LMO3: variants seen among roughly 807,000 people sequenced by gnomAD.
LMO3 encodes the protein LIM domain only 3, also known as LIM domain only protein 3.
A neutral mutation model predicts 15.8 loss-of-function variants in LMO3; 2 were observed. The observed-to-expected ratio is 0.13, with a 90% CI of 0.05 to 0.40. The LOEUF (loss-of-function observed/expected upper bound fraction) is 0.40. LMO3 is among the 10% of genes least tolerant of loss of function. The probability of loss-of-function intolerance (pLI) is 0.99; values close to 1 mark genes in which losing one functional copy is unlikely to be tolerated. For missense variants in LMO3, 86 were observed against 182.2 expected, an observed-to-expected ratio of 0.47 and a Z score of 3.04; for synonymous variants, 62 against 63.8, an observed-to-expected ratio of 0.97 and a Z score of 0.13.
intron 2 of LMO3, among the ~76,000 whole-genome samples, chr12:16,570,244 T>G (rs1300006510): frequency 6.6e-6 from 1 of 152,148 alleles, no homozygotes. Context: ...AGTAATACTT[T>G]CCTAAAAATC....
At chr12:16,578,942 GAAAAGA>G (rs910997464) in intron 2 of LMO3, among the ~76,000 whole-genome samples, 2 of 151,986 alleles carry the variant, frequency 1.3e-5, no homozygotes, top group South Asian at 2.1e-4. Context: ...GAAATAAAAA[GAAAAGA>G]AAAAGTTCTT....
rs1433224086 is a variant in LMO3, at chr12:16,561,696, T to C, written c.207-1158A>G. 3.3e-5 allele frequency among the ~76,000 whole-genome samples: 5 copies of C among 152,346 alleles called. No individual in the cohort carries two copies. In the East Asian group the frequency reaches 9.6e-4, roughly 29 times the overall value. On this transcript the variant is annotated intron_variant, in intron 2 of 3. Transcript: ENST00000537304. The stretch of plus-strand genomic sequence containing the variant: ...GAAGTCTTTTCTTAAGGCATGCATA[T>C]TCATTTTCAAGTTTATAACTATTTC...
chr12:16,549,000 C>G lies in LMO3; in HGVS notation c.*2222G>C, dbSNP rs1445685938. On this transcript the variant is annotated 3_prime_UTR_variant, in exon 4 of 4. Coordinates refer to ENST00000537304, the MANE Select transcript of LMO3 (RefSeq NM_018640.5). The surrounding 1 kb of genome is among the most constrained non-coding windows in gnomAD (Gnocchi z 4.2). The stretch of plus-strand genomic sequence containing the variant: ...TTCAAGAAGCTGAGAGAAGTTTGTT[C>G]CCAATTTACAAGTATTTTGACATAT... 1.3e-5 allele frequency: 2 copies of G among 152,042 alleles called. No individual in the cohort carries two copies. The highest frequency in any genetic ancestry group is 2.9e-5 in the Non-Finnish European group (2 of 67,994). 9.4% of individuals were successfully genotyped at this position (152,042 alleles called of 1,614,324 possible).
intron 1 of LMO3, among the ~76,000 whole-genome samples, chr12:16,601,635 T>A (rs1943827932): frequency 6.6e-6 from 1 of 152,122 alleles, no homozygotes; most frequent in Admixed American, 6.6e-5. Flanking sequence ...CAATTATTTG[T>A]TTTATAAAGG....
chr12:16,551,571 T>C (rs955702041), intron 3 of LMO3, among the ~76,000 whole-genome samples: 3 of 151,370 alleles, frequency 2.0e-5, no homozygotes, highest in Admixed American at 6.6e-5. Context: ...AGATAAACAC[T>C]TTGGGCACCA....
Position 16,589,035 on chromosome 12 carries a change from C to G in LMO3, c.206+11620G>C, listed in dbSNP as rs1429915789. Among the ~76,000 whole-genome samples, 1 of 151,942 alleles carries G rather than the reference C, an allele frequency of 6.6e-6. No individual in the cohort carries two copies. Among genetic ancestry groups the G allele is most frequent in the Non-Finnish European group, 1.5e-5 (1 of 67,958 alleles). On this transcript the variant is annotated intron_variant, in intron 2 of 3. Transcript: ENST00000537304. The surrounding 1 kb of genome is among the most constrained non-coding windows in gnomAD (Gnocchi z 4.2). Reference sequence around the variant, plus strand: ...AGACTTGGAGAGGTTGAGTAAGTTGCCTAGGAATGTGAAGCTGGGGTGTAG... The same window carrying G: ...AGACTTGGAGAGGTTGAGTAAGTTGGCTAGGAATGTGAAGCTGGGGTGTAG...
chr12:16,583,951 G>A (rs866037397), intron 2 of LMO3, among the ~76,000 whole-genome samples: 1 of 152,176 alleles, frequency 6.6e-6, no homozygotes, highest in Admixed American at 6.5e-5. Flanking sequence ...GCTATTACAA[G>A]TGAAACAGGA....
chr12:16,551,435 C>A, intron 3 of LMO3, 108 bp from the exon 4 acceptor site: 1 of 678,708 alleles, frequency 1.5e-6, no homozygotes, highest in East Asian at 2.7e-5. Flanking sequence ...TTCCCTGAAT[C>A]TGAAAACCTG....
chr12:16,559,578 A>G lies in LMO3; in HGVS notation c.332+835T>C, dbSNP rs1942314299. Among the ~76,000 whole-genome samples the G allele has an allele frequency of 6.6e-6, 1 of 152,194 alleles. No homozygotes were observed. The highest frequency in any genetic ancestry group is 1.5e-5 in the Non-Finnish European group (1 of 68,036). ...CAATGATAATAATTGTTTAATTATTAGCTATATCTGGACTGATTCTCAAAG... is the reference window on the plus strand; with the variant it reads ...CAATGATAATAATTGTTTAATTATTGGCTATATCTGGACTGATTCTCAAAG... On this transcript the variant is annotated intron_variant, in intron 3 of 3. Coordinates refer to ENST00000537304, the MANE Select transcript of LMO3 (RefSeq NM_018640.5). The surrounding 1 kb of genome is among the most constrained non-coding windows in gnomAD (Gnocchi z 4.1).
In LMO3 at chr12:16,551,032, A is replaced by C. The variant is rs1434148242; in HGVS notation, c.*190T>G. ...TACATTACTTTTTTCTTTAATAATA[A>C]ACATTCAACTCTGAACTGGGGCAAT... On this transcript the variant is annotated 3_prime_UTR_variant, in exon 4 of 4. Transcript: ENST00000537304. 6.0e-6 allele frequency: 3 copies of C among 498,888 alleles called. No homozygotes were observed. The highest frequency in any genetic ancestry group is 5.7e-5 in the African/African-American group (3 of 52,690). The allele number at this position is 498,888 out of a possible 1,614,324, so 30.9% of individuals were successfully genotyped here.
Position 16,586,075 on chromosome 12 carries a change from A to G in LMO3, c.206+14580T>C, listed in dbSNP as rs1402359693. ...GAAAACAGCAAAACCTTGATGTACAATTCCATAAAAATTTTTGAGGGGCCA... is the reference window on the plus strand; with the variant it reads ...GAAAACAGCAAAACCTTGATGTACAGTTCCATAAAAATTTTTGAGGGGCCA... On this transcript the variant is annotated intron_variant, in intron 2 of 3. Coordinates refer to ENST00000537304, the MANE Select transcript of LMO3 (RefSeq NM_018640.5). This position sits in a 1 kb window ranked among gnomAD's most constrained non-coding sequence, Gnocchi z 4.3. Among the ~76,000 whole-genome samples, 1 of 152,172 alleles carries G rather than the reference A, an allele frequency of 6.6e-6. No individual in the cohort carries two copies. Among genetic ancestry groups the G allele is most frequent in the East Asian group, 1.9e-4 (1 of 5,188 alleles).
At chr12:16,583,713 G>A (rs941970574) in intron 2 of LMO3, among the ~76,000 whole-genome samples, 11 of 152,176 alleles carry the variant, frequency 7.2e-5, no homozygotes, top group African/African-American at 2.7e-4. Flanking sequence ...CTGTAGGAAT[G>A]GATTGAAAAA....
chr12:16,608,006 C>T (rs1019832007), upstream of LMO3: 4 of 152,162 alleles, frequency 2.6e-5, no homozygotes, highest in African/African-American at 9.7e-5. The surrounding 1 kb of genome is among the most constrained non-coding windows in gnomAD (Gnocchi z 4.1). Context: ...TGTACATAGG[C>T]AGATTTCTTA....
At position 16,593,187 on chromosome 12, in the gene LMO3, T is replaced by A. The variant is rs1024955632; in HGVS notation, c.206+7468A>T. Among the ~76,000 whole-genome samples, 1 of 151,912 alleles carries A rather than the reference T, an allele frequency of 6.6e-6. No homozygotes were observed. The highest frequency in any genetic ancestry group is 1.5e-5 in the Non-Finnish European group (1 of 67,846). ...AATAGCTTGGGTTTAATGTGGACGA[T>A]GCTTCACTGCATTAGTGATAACAAT... On this transcript the variant is annotated intron_variant, in intron 2 of 3. Transcript: ENST00000537304. This position sits in a 1 kb window ranked among gnomAD's most constrained non-coding sequence, Gnocchi z 4.2.
intron 2 of LMO3, among the ~76,000 whole-genome samples, chr12:16,577,625 A>G (rs967663781): frequency 2.0e-5 from 3 of 152,328 alleles, no homozygotes; most frequent in Admixed American, 6.5e-5. Flanking sequence ...GGAAGAGGAC[A>G]AGTAAGAATA....
chr12:16,601,874 C>G (rs1369705286), intron 1 of LMO3: 1 of 152,098 alleles, frequency 6.6e-6, no homozygotes, highest in Non-Finnish European at 1.5e-5. Context: ...CTTCTTATTT[C>G]CTAGGTATTA....
At position 16,598,177 on chromosome 12, in the gene LMO3, A is replaced by G. The variant is rs890379020; in HGVS notation, c.206+2478T>C. 1 of 152,066 alleles carries G rather than the reference A, an allele frequency of 6.6e-6. No individual in the cohort carries two copies. Among genetic ancestry groups the G allele is most frequent in the Non-Finnish European group, 1.5e-5 (1 of 67,936 alleles). The allele number at this position is 152,066 out of a possible 1,614,324, so 9.4% of individuals were successfully genotyped here. On this transcript the variant is annotated intron_variant, in intron 2 of 3. Transcript: ENST00000537304. This position sits in a 1 kb window ranked among gnomAD's most constrained non-coding sequence, Gnocchi z 4.3. ...CAGAGACATATGCAGTTGAACATCT[A>G]CACAATTTCACTGAGACACATGCTT... is the stretch of plus-strand genomic sequence containing the variant.
chr12:16,578,818 A>AAACAACAACAACAACAACAAC (rs201327858), intron 2 of LMO3, among the ~76,000 whole-genome samples: 8 of 141,044 alleles, frequency 5.7e-5, no homozygotes, highest in Non-Finnish European at 1.0e-4. Flanking sequence ...ATTCTGTCTC[A>AAACAACAACAACAACAACAAC]AACAACAACA....
In LMO3 at chr12:16,576,664, T is replaced by C. The variant is rs770159258; in HGVS notation, c.207-16126A>G. Among the ~76,000 whole-genome samples the C allele has an allele frequency of 6.6e-6, 1 of 152,200 alleles. No individual in the cohort carries two copies. Among genetic ancestry groups the C allele is most frequent in the Non-Finnish European group, 1.5e-5 (1 of 68,044 alleles). On this transcript the variant is annotated intron_variant, in intron 2 of 3. Coordinates refer to ENST00000537304, the MANE Select transcript of LMO3 (RefSeq NM_018640.5). This position sits in a 1 kb window ranked among gnomAD's most constrained non-coding sequence, Gnocchi z 4.1. ...TCCTTTACTCTGCACCTAACACATG[T>C]GATGTTCATATGCTCCATAACTGCT...
Sources: allele counts gnomAD v4.1 joint callset (sites outside exome capture counted in the v4.1 genomes callset), GRCh38; gene constraint gnomAD v4.1.1; non-coding constraint Gnocchi (gnomAD v3.1); transcripts MANE v1.5; gene names NCBI Gene and HGNC (gene_info 2026-07-23, HGNC 2026-07-21).